The following PIK3C2G variants were observed in gnomAD, a reference collection of about 807,000 sequenced individuals.
PIK3C2G encodes phosphatidylinositol 3-kinase C2 domain-containing subunit gamma.
PIK3C2G carries 168 observed loss-of-function variants against 181.1 expected under a neutral mutation model. The ratio of observed to expected loss-of-function variants is 0.93; its 90% confidence interval spans 0.82 to 1.05. The LOEUF is 1.05. Ranked by LOEUF, PIK3C2G falls within the 50% of genes least tolerant of loss-of-function variation. PIK3C2G has a pLI of 0.00. For synonymous variants in PIK3C2G, 573 were observed against 592.2 expected (o/e 0.97, Z 0.47); for missense variants, 1,869 against 1,732.8 (o/e 1.08, Z -1.40).
chr12:18,262,409 A>C (rs1014165737), intron 1 of PIK3C2G, among the ~76,000 whole-genome samples: 7 of 152,090 alleles, frequency 4.6e-5, no homozygotes, highest in Non-Finnish European at 1.0e-4. Flanking sequence ...TAAAGAACAC[A>C]TACCCCTCAT....
chr12:18,406,248 T>A (rs1035963462), intron 16 of PIK3C2G, among the ~76,000 whole-genome samples: 1 of 152,222 alleles, frequency 6.6e-6, no homozygotes, highest in African/African-American at 2.4e-5. Flanking sequence ...ACATTGTGTG[T>A]ACATACCACA....
chr12:18,709,624 G>A, the PIK3C2G span, among the ~76,000 whole-genome samples: 2 of 151,944 alleles, frequency 1.3e-5, no homozygotes, highest in Non-Finnish European at 2.9e-5. Flanking sequence ...GTTCACACCT[G>A]TAATCCCAGC....
At position 18,538,182 on chromosome 12, in the gene PIK3C2G, C is replaced by T; in HGVS notation, c.3350C>T (p.Ser1117Leu). ...GACCGAGCTCCTTTCATTTTTACTT[C>T]AGAGATGGAATACTTTATTACAGAG... The part of the protein sequence containing the change: ...KRDRAPFIFT[S>L]EMEYFITEGG... Residue 1117 changes from serine to leucine, a missense_variant, in exon 25 of 33, where the codon TCA becomes TTA. Physicochemically the swap from Ser to Leu is moderately radical, Grantham distance 145 (BLOSUM62 -2). Coordinates refer to ENST00000538779, the MANE Select transcript of PIK3C2G (RefSeq NM_001288772.2). The T allele has an allele frequency of 6.2e-7, 1 of 1,611,390 alleles. No homozygotes were observed.
chr12:18,269,995 C>T (rs748907397), intron 1 of PIK3C2G, among the ~76,000 whole-genome samples: 9 of 150,388 alleles, frequency 6.0e-5, no homozygotes, highest in Admixed American at 4.0e-4. Context: ...CTGCAACCTC[C>T]ACCTCCTGGG....
chr12:18,630,151 C>T (rs1396733612), intron 31 of PIK3C2G, among the ~76,000 whole-genome samples: 1 of 152,138 alleles, frequency 6.6e-6, no homozygotes, highest in Admixed American at 6.6e-5. Context: ...GTGGCTCATA[C>T]CTATAATCCC....
chr12:18,275,365 T>A (rs1373219707), intron 1 of PIK3C2G, among the ~76,000 whole-genome samples: 1 of 152,030 alleles, frequency 6.6e-6, no homozygotes, highest in Non-Finnish European at 1.5e-5. Flanking sequence ...ATATTCCACA[T>A]CTTTTTTATC....
intron 31 of PIK3C2G, among the ~76,000 whole-genome samples, chr12:18,637,978 A>C (rs1397794138): frequency 7.9e-5 from 12 of 152,206 alleles, no homozygotes; most frequent in Non-Finnish European, 1.2e-4. Context: ...GAAACAACAA[A>C]AAAATTTAAC....
intron 30 of PIK3C2G, among the ~76,000 whole-genome samples, chr12:18,604,509 A>C (rs897126596): frequency 3.3e-5 from 5 of 152,198 alleles, no homozygotes; most frequent in Non-Finnish European, 7.3e-5. Context: ...TCAACTGAGA[A>C]ACAATGAATT....
In PIK3C2G at chr12:18,561,907, A is replaced by G. The variant is rs1945364609; in HGVS notation, c.3591-796A>G. 2.0e-5 allele frequency among the ~76,000 whole-genome samples: 3 copies of G among 152,176 alleles called. No homozygotes were observed. In the South Asian group the frequency reaches 6.2e-4, roughly 32 times the overall value. On this transcript the variant is annotated intron_variant, in intron 26 of 32. Coordinates refer to ENST00000538779, the MANE Select transcript of PIK3C2G (RefSeq NM_001288772.2). ...TTTAAAGATAGAAAAACATAAAAAT[A>G]TACAAAAATAAAATTTAAATTAAAA...
At chr12:18,584,516 A>T (rs377507764) in intron 29 of PIK3C2G, among the ~76,000 whole-genome samples, 2 of 152,180 alleles carry the variant, frequency 1.3e-5, no homozygotes, top group African/African-American at 4.8e-5. Flanking sequence ...AAAGAAACGA[A>T]CAAAACCTCT....
chr12:18,303,949 A>G (rs1950316484), intron 5 of PIK3C2G, among the ~76,000 whole-genome samples: 1 of 152,174 alleles, frequency 6.6e-6, no homozygotes, highest in East Asian at 1.9e-4. Flanking sequence ...ATTCTTAAAA[A>G]AAAAAGAAAT....
chr12:18,366,822 A>C (rs1394046343), intron 12 of PIK3C2G, among the ~76,000 whole-genome samples: 4 of 151,132 alleles, frequency 2.6e-5, no homozygotes, highest in Non-Finnish European at 5.9e-5. Flanking sequence ...CATTCCTTTG[A>C]CTTTTAAGTA....
chr12:18,557,768 A>T (rs1027093309), intron 26 of PIK3C2G, among the ~76,000 whole-genome samples: 3 of 152,202 alleles, frequency 2.0e-5, no homozygotes, highest in African/African-American at 7.2e-5. Context: ...ATATTATCAA[A>T]TATGAATTAA....
chr12:18,304,429 G>A (rs932288091), intron 5 of PIK3C2G, among the ~76,000 whole-genome samples: 8 of 152,124 alleles, frequency 5.3e-5, no homozygotes, highest in African/African-American at 1.9e-4. Context: ...GCTAATTTTT[G>A]TATTTTTAGT....
intron 5 of PIK3C2G, among the ~76,000 whole-genome samples, chr12:18,298,583 GC>G (rs528512871): frequency 1.8e-4 from 28 of 151,408 alleles, no homozygotes; most frequent in Non-Finnish European, 3.2e-4. Flanking sequence ...TGTTTTTGTT[GC>G]CTGTGCTTTT....
Position 18,647,906 on chromosome 12 carries a change from G to C in PIK3C2G, c.4339G>C (p.Gly1447Arg), listed in dbSNP as rs934375928. The change falls in exon 33 of 33, where the codon GGA becomes CGA. Residue 1447 changes from glycine to arginine, a missense_variant. Coordinates refer to ENST00000538779, the MANE Select transcript of PIK3C2G (RefSeq NM_001288772.2). Reference protein sequence around the residue: ...VVYDEVTELQGHVLMLIVKSK... With the variant: ...VVYDEVTELQRHVLMLIVKSK... ...ATATGATGAAGTCACAGAGCTCCAAGGACATGTCTTAATGCTTATTGTGAA... is the reference window on the plus strand; with the variant it reads ...ATATGATGAAGTCACAGAGCTCCAACGACATGTCTTAATGCTTATTGTGAA... The C allele has an allele frequency of 7.6e-6, 12 of 1,586,974 alleles. No homozygotes were observed. The highest frequency in any genetic ancestry group is 1.1e-5 in the South Asian group (1 of 87,182).
At chr12:18,586,931 A>T (rs1237609580) in intron 29 of PIK3C2G, among the ~76,000 whole-genome samples, 1 of 152,180 alleles carries the variant, frequency 6.6e-6, no homozygotes, top group African/African-American at 2.4e-5. Flanking sequence ...GTAATTCATC[A>T]CACAAATAGA....
At chr12:18,527,404 C>T (rs1244860624) in intron 24 of PIK3C2G, among the ~76,000 whole-genome samples, 1 of 152,084 alleles carries the variant, frequency 6.6e-6, no homozygotes, top group African/African-American at 2.4e-5. Flanking sequence ...CATTCAATGC[C>T]TCATACATAC....
intron 5 of PIK3C2G, among the ~76,000 whole-genome samples, chr12:18,307,401 C>A (rs73341280): frequency 6.6e-5 from 10 of 151,808 alleles, no homozygotes; most frequent in African/African-American, 2.4e-4. Flanking sequence ...TTTATTGTAT[C>A]ACAGACATTC....
Sources: gnomAD v4.1 joint callset for allele counts (sites outside exome capture counted in the v4.1 genomes callset) on GRCh38, gnomAD v4.1.1 for gene constraint, MANE v1.5 for transcripts, NCBI Gene and HGNC (gene_info 2026-07-23, HGNC 2026-07-21) for gene names.